Variants in MAGI2 observed in about 807,000 individuals in gnomAD.
MAGI2 encodes the protein membrane-associated guanylate kinase, WW and PDZ domain-containing protein 2.
A neutral mutation model predicts 133.3 loss-of-function variants in MAGI2; 35 were observed. The ratio of observed to expected loss-of-function variants is 0.26; its 90% CI spans 0.20 to 0.35. MAGI2 has a LOEUF of 0.35. MAGI2 is among the 10% of genes least tolerant of loss of function. The probability of loss-of-function intolerance (pLI) is 1.00; values close to 1 mark genes in which losing one functional copy is unlikely to be tolerated. For synonymous variants in MAGI2, 729 were observed against 710.6 expected (o/e 1.03, Z -0.41); for missense variants, 1,636 against 1,863.4 (o/e 0.88, Z 2.25).
chr7:79,016,315 C>T (rs1025589697), intron 1 of MAGI2, among the ~76,000 whole-genome samples: 6 of 152,016 alleles, frequency 3.9e-5, no homozygotes, highest in East Asian at 1.9e-4. Flanking sequence ...TGGGCCAGTC[C>T]GACCAGAGCA....
chr7:78,236,218 T>C (rs1790524995), intron 10 of MAGI2, among the ~76,000 whole-genome samples: 1 of 152,102 alleles, frequency 6.6e-6, no homozygotes, highest in South Asian at 2.1e-4. Context: ...GGCACATTTA[T>C]GGAATGAACA....
rs146563280 is a variant in MAGI2 at position 78,698,385 on chromosome 7, G to T, written c.419-71146C>A. 3.9e-3 allele frequency among the ~76,000 whole-genome samples: 589 copies of T among 152,156 alleles called. 6 individuals are homozygous for T. The highest frequency in any genetic ancestry group is 0.014 in the African/African-American group (563 of 41,494). On this transcript the variant is annotated intron_variant, in intron 2 of 21. Transcript: ENST00000354212. ...GGTTACAACAAAGGTCCACAACACAGTTTATTCCGCATCCCCTAAGGAAAA... is the reference window on the plus strand; with the variant it reads ...GGTTACAACAAAGGTCCACAACACATTTTATTCCGCATCCCCTAAGGAAAA...
intron 20 of MAGI2, among the ~76,000 whole-genome samples, chr7:78,097,064 A>C (rs1264744801): frequency 2.0e-5 from 3 of 152,294 alleles, no homozygotes; most frequent in Non-Finnish European, 2.9e-5. Context: ...ATGAAAAAAA[A>C]CCTCAACATC....
intron 1 of MAGI2, among the ~76,000 whole-genome samples, chr7:79,330,180 CTTTTTTTTTTTT>C (rs544172383): frequency 2.5e-4 from 15 of 59,128 alleles, no homozygotes; most frequent in South Asian, 9.7e-4. Flanking sequence ...CAATCTGCAT[CTTTTTTTTTTTT>C]TTTTTTTTTT....
intron 4 of MAGI2, among the ~76,000 whole-genome samples, chr7:78,519,707 T>C (rs1796337161): frequency 6.6e-6 from 1 of 152,200 alleles, no homozygotes; most frequent in African/African-American, 2.4e-5. Flanking sequence ...TTTAAAAGTC[T>C]GTGGATCAAG....
At chr7:79,223,651 G>C (rs976982226) in intron 1 of MAGI2, among the ~76,000 whole-genome samples, 1 of 151,946 alleles carries the variant, frequency 6.6e-6, no homozygotes, top group Non-Finnish European at 1.5e-5. Context: ...AACATAGTGA[G>C]ACCCTGTCTC....
chr7:78,623,920 G>A (rs1411244712), intron 3 of MAGI2, among the ~76,000 whole-genome samples: 1 of 152,056 alleles, frequency 6.6e-6, no homozygotes, highest in Non-Finnish European at 1.5e-5. Context: ...ACTCATTTGT[G>A]TTTGTGGATG....
chr7:79,013,135 A>G (rs532556593), intron 1 of MAGI2, among the ~76,000 whole-genome samples: 1 of 152,290 alleles, frequency 6.6e-6, no homozygotes, highest in South Asian at 2.1e-4. Context: ...TCCCTATAAA[A>G]TATTTGCTAA....
At position 79,157,972 on chromosome 7, in the gene MAGI2, G is replaced by GTGTGTGTGTGTC. The variant is rs1384745090; in HGVS notation, c.302-150767_302-150766insGACACACACACA. ...TGTGTGTGTGTGTGTGTGTGTGTGTGTGTGTATTTAAAAGACCTTTATAAA... is the reference window on the plus strand; with the variant it reads ...TGTGTGTGTGTGTGTGTGTGTGTGTGTGTGTGTGTGTCTGTGTATTTAAAAGACCTTTATAAA... On this transcript the variant is annotated intron_variant, in intron 1 of 21. Coordinates refer to ENST00000354212, the MANE Select transcript of MAGI2 (RefSeq NM_012301.4). 5.8e-3 allele frequency among the ~76,000 whole-genome samples: 852 copies of GTGTGTGTGTGTC among 145,892 alleles called. 13 individuals carry two copies. Among genetic ancestry groups the GTGTGTGTGTGTC allele is most frequent in the East Asian group, 0.023 (114 of 4,852 alleles).
intron 1 of MAGI2, among the ~76,000 whole-genome samples, chr7:79,346,919 C>G (rs1841360317): frequency 6.6e-6 from 1 of 151,912 alleles, no homozygotes; most frequent in African/African-American, 2.4e-5. Context: ...GATAATAGCT[C>G]TAATACACTA....
intron 2 of MAGI2, among the ~76,000 whole-genome samples, chr7:78,711,763 AAG>A (rs775906315): frequency 6.6e-5 from 10 of 152,188 alleles, no homozygotes; most frequent in African/African-American, 9.7e-5. Flanking sequence ...AGTTTGATAG[AAG>A]AGAGCGTTGA....
At chr7:79,054,139 T>C (rs1027173463) in intron 1 of MAGI2, among the ~76,000 whole-genome samples, 11 of 152,134 alleles carry the variant, frequency 7.2e-5, no homozygotes, top group African/African-American at 2.7e-4. Context: ...GAGGTTGCAA[T>C]GAGCCAAGAT....
intron 9 of MAGI2, among the ~76,000 whole-genome samples, chr7:78,288,351 A>G (rs1309737660): frequency 6.6e-6 from 1 of 152,244 alleles, no homozygotes; most frequent in Non-Finnish European, 1.5e-5. Context: ...TTAAAACTCA[A>G]TGTAAACAAT....
intron 1 of MAGI2, among the ~76,000 whole-genome samples, chr7:79,330,212 T>TTTTG (rs71095396): frequency 8.7e-6 from 1 of 115,168 alleles, no homozygotes; most frequent in Non-Finnish European, 1.7e-5. Context: ...TTTTTTTTTT[T>TTTTG]AGAAGGAGTC....
intron 9 of MAGI2, among the ~76,000 whole-genome samples, chr7:78,306,666 C>T (rs1167860646): frequency 1.3e-5 from 2 of 152,128 alleles, no homozygotes; most frequent in African/African-American, 4.8e-5. Context: ...TCTTCTTTTG[C>T]TGAAATAGTA....
chr7:79,234,960 A>C (rs1831747050), intron 1 of MAGI2, among the ~76,000 whole-genome samples: 1 of 151,948 alleles, frequency 6.6e-6, no homozygotes, highest in African/African-American at 2.4e-5. Context: ...GGTGATGTAC[A>C]GATGGGTTTT....
At chr7:78,431,074 C>CTGTGTGTGTTTGTGTGTGTG (rs375699189) in intron 6 of MAGI2, among the ~76,000 whole-genome samples, 4 of 146,514 alleles carry the variant, frequency 2.7e-5, no homozygotes, top group African/African-American at 1.0e-4. Context: ...GTGAGGTAGG[C>CTGTGTGTGTTTGTGTGTGTG]TGTGTGTGTG....
At chr7:79,072,372 C>A (rs1166697738) in intron 1 of MAGI2, among the ~76,000 whole-genome samples, 2 of 152,098 alleles carry the variant, frequency 1.3e-5, no homozygotes, top group Non-Finnish European at 2.9e-5. Flanking sequence ...AGATTTAGTA[C>A]CTTCTTTGGT....
intron 21 of MAGI2, among the ~76,000 whole-genome samples, chr7:78,022,947 T>C (rs1981589): frequency 0.9 from 136,454 of 152,328 alleles, 61,312 homozygotes; most frequent in East Asian, 1. Context: ...CAAGTCACTA[T>C]GGGTTAAAAA....
Sources: allele counts gnomAD v4.1 joint callset (sites outside exome capture counted in the v4.1 genomes callset), GRCh38; gene constraint gnomAD v4.1.1; transcripts MANE v1.5; gene names NCBI Gene and HGNC (gene_info 2026-07-23, HGNC 2026-07-21).